The following CYREN variants were observed in gnomAD, a reference collection of about 807,000 sequenced individuals.
CYREN encodes cell cycle regulator of NHEJ.
A neutral mutation model predicts 9.7 loss-of-function variants in CYREN; 7 were observed. The ratio of observed to expected loss-of-function variants is 0.72; its 90% CI spans 0.41 to 1.36. The LOEUF (loss-of-function observed/expected upper bound fraction) is 1.36. CYREN is among the 40% of genes most tolerant of loss of function. The pLI is 0.01. For missense variants in CYREN, 215 were observed against 198.1 expected, an observed-to-expected ratio of 1.09 and a Z score of -0.51; for synonymous variants, 76 against 77.9, an observed-to-expected ratio of 0.98 and a Z score of 0.13.
intron 2 of CYREN, among the ~76,000 whole-genome samples, chr7:135,113,725 G>A (rs1475443505): frequency 6.6e-6 from 1 of 152,166 alleles, no homozygotes; most frequent in South Asian, 2.1e-4. Flanking sequence ...ATTCAGTAGT[G>A]TTAAGTACAG....
In CYREN at chr7:135,151,483, G is replaced by A. The variant is rs1245559607; in HGVS notation, n.356+17266C>T. 2.0e-5 allele frequency among the ~76,000 whole-genome samples: 3 copies of A among 152,160 alleles called. No homozygotes were observed. The highest frequency in any genetic ancestry group is 7.2e-5 in the African/African-American group (3 of 41,426). Reference sequence around the variant, plus strand: ...GCGCCCTTGTTCTATGCCCTGGCAAGCTCTGTTGCCCCGGCTTTATTCTGC... The same window carrying A: ...GCGCCCTTGTTCTATGCCCTGGCAAACTCTGTTGCCCCGGCTTTATTCTGC... On this transcript the variant is annotated intron_variant and non_coding_transcript_variant, in intron 2 of 2. Transcript: ENST00000459937. This position sits in a 1 kb window ranked among gnomAD's most constrained non-coding sequence, Gnocchi z 4.3.
At chr7:135,127,675 T>C (rs1217979249) in intron 2 of CYREN, among the ~76,000 whole-genome samples, 6 of 151,722 alleles carry the variant, frequency 4.0e-5, no homozygotes, top group African/African-American at 1.2e-4. Flanking sequence ...CAAGAAACAA[T>C]AGATGGCTGG....
intron 2 of CYREN, among the ~76,000 whole-genome samples, chr7:135,134,305 G>A (rs942976651): frequency 6.6e-6 from 1 of 152,042 alleles, no homozygotes; most frequent in African/African-American, 2.4e-5. Context: ...AAGTATAGCT[G>A]AAATTCTATG....
chr7:135,101,262 A>G (rs1462299272), intron 2 of CYREN: 2 of 456,040 alleles, frequency 4.4e-6, no homozygotes, highest in East Asian at 1.4e-4. Context: ...TGAGAAGACA[A>G]GGATACCAAC....
At chr7:135,165,093 G>A, downstream of CYREN, 2 of 1,429,982 alleles carry the variant, frequency 1.4e-6, no homozygotes, top group Non-Finnish European at 1.9e-6. Context: ...CTGATCTCCA[G>A]CTCCAGCGAT....
chr7:135,123,273 C>A (rs1827399859), intron 2 of CYREN, among the ~76,000 whole-genome samples: 1 of 152,078 alleles, frequency 6.6e-6, no homozygotes, highest in African/African-American at 2.4e-5. Context: ...GCCGAATCGA[C>A]CACGCAGAAG....
chr7:135,105,724 G>A (rs79255049), intron 2 of CYREN, among the ~76,000 whole-genome samples: 5,583 of 152,062 alleles, frequency 0.037, 330 homozygotes, highest in African/African-American at 0.13. Context: ...GCTTTTGTTT[G>A]TTTGTTTGTT....
At chr7:135,164,093 T>A (rs1014512604), downstream of CYREN, among the ~76,000 whole-genome samples, 1 of 152,376 alleles carries the variant, frequency 6.6e-6, no homozygotes, top group East Asian at 1.9e-4. Context: ...ATCCCCTCAC[T>A]AATGTTTCCA....
intron 2 of CYREN, among the ~76,000 whole-genome samples, chr7:135,113,795 C>A (rs1295102180): frequency 6.6e-6 from 1 of 152,190 alleles, no homozygotes; most frequent in Non-Finnish European, 1.5e-5. Flanking sequence ...AACTTTATGC[C>A]TATTCCTCTG....
At chr7:135,110,578 T>C (rs1257643708) in intron 2 of CYREN, among the ~76,000 whole-genome samples, 1 of 152,176 alleles carries the variant, frequency 6.6e-6, no homozygotes, top group Non-Finnish European at 1.5e-5. Flanking sequence ...CACCCCTTCC[T>C]TGGGCAGGGG....
intron 2 of CYREN, among the ~76,000 whole-genome samples, chr7:135,123,451 C>A (rs867902301): frequency 1.3e-5 from 2 of 152,154 alleles, no homozygotes; most frequent in African/African-American, 4.8e-5. Context: ...AGAATGGAAA[C>A]AAGTTGGAAA....
intron 2 of CYREN, among the ~76,000 whole-genome samples, chr7:135,096,461 C>T (rs1029045124): frequency 2.0e-5 from 3 of 148,946 alleles, no homozygotes; most frequent in African/African-American, 5.0e-5. Context: ...TTTAATGACT[C>T]GTGGAAGAAC....
intron 2 of CYREN, 188 bp from the exon 3 acceptor site, chr7:135,167,995 G>A: frequency 1.0e-6 from 1 of 1,001,474 alleles, no homozygotes; most frequent in Admixed American, 2.8e-5. Flanking sequence ...GACTGGCACA[G>A]GGCTTCATGG....
intron 2 of CYREN, among the ~76,000 whole-genome samples, chr7:135,144,967 A>AAAAAAAAG (rs1829519927): frequency 7.3e-6 from 1 of 136,502 alleles, no homozygotes; most frequent in Non-Finnish European, 1.6e-5. Context: ...AAAAAAAAAA[A>AAAAAAAAG]AAGAAGAGGA....
intron 2 of CYREN, chr7:135,094,601 G>A (rs772622344): frequency 6.6e-6 from 3 of 451,588 alleles, no homozygotes; most frequent in African/African-American, 6.0e-5. Context: ...GGGAGAAGAA[G>A]AGTAAACATT....
At chr7:135,157,481 T>A (rs1034731538) in intron 2 of CYREN, among the ~76,000 whole-genome samples, 1 of 152,214 alleles carries the variant, frequency 6.6e-6, no homozygotes, top group Non-Finnish European at 1.5e-5. Context: ...TGTGCCCTTT[T>A]TAGGCCCCAC....
chr7:135,096,739 G>C (rs868263876), intron 2 of CYREN, among the ~76,000 whole-genome samples: 2 of 92,838 alleles, frequency 2.2e-5, no homozygotes, highest in Non-Finnish European at 2.2e-5. Flanking sequence ...GAAAGAGAAA[G>C]AATGAAAGAA....
intron 2 of CYREN, among the ~76,000 whole-genome samples, chr7:135,103,658 G>A (rs1777862311): frequency 6.6e-6 from 1 of 152,152 alleles, no homozygotes; most frequent in Admixed American, 6.5e-5. Flanking sequence ...AGGAGACTGA[G>A]AGGGGAATAA....
rs141999444 is a variant in CYREN at position 135,150,894 on chromosome 7, T to C, written n.356+17855A>G. ...TTAAGATGGCTCATTTGTAGACATT[T>C]TCTCATTTTTAAGGATTTTCTTCTC... On this transcript the variant is annotated intron_variant and non_coding_transcript_variant, in intron 2 of 2. Coordinates refer to the CYREN transcript ENST00000459937. Among the ~76,000 whole-genome samples the C allele has an allele frequency of 1.1e-3, 168 of 152,312 alleles. 2 individuals carry two copies. Among genetic ancestry groups the C allele is most frequent in the African/African-American group, 3.9e-3 (163 of 41,580 alleles).
Sources: gnomAD v4.1 joint callset for allele counts (sites outside exome capture counted in the v4.1 genomes callset) on GRCh38, gnomAD v4.1.1 for gene constraint, Gnocchi (gnomAD v3.1) non-coding constraint, MANE v1.5 for transcripts, NCBI Gene and HGNC (gene_info 2026-07-23, HGNC 2026-07-21) for gene names.